NFIB: variants seen among roughly 807,000 people sequenced by gnomAD.
NFIB encodes nuclear factor 1 B-type.
NFIB carries 11 observed loss-of-function variants against 61.5 expected under a neutral mutation model. The observed-to-expected ratio is 0.18, with a 90% CI of 0.11 to 0.30. NFIB has a LOEUF of 0.30. NFIB is among the 10% of genes least tolerant of loss of function. The pLI is 1.00. For missense variants in NFIB, 471 were observed against 608.9 expected (o/e 0.77, Z 2.38); for synonymous variants, 260 against 216.5 (o/e 1.20, Z -1.76).
chr9:14,398,730 C>T (rs2061713126), exon 1 of NFIB: 1 of 770,754 alleles, frequency 1.3e-6, no homozygotes, highest in Admixed American at 2.9e-5. Context: ...CCTTAGCAAA[C>T]GCAGCTTCAT....
upstream of NFIB, among the ~76,000 whole-genome samples, chr9:14,401,473 T>C (rs1454530381): frequency 4.6e-5 from 7 of 152,190 alleles, no homozygotes; most frequent in Admixed American, 4.6e-4. Flanking sequence ...ACAAGAAACC[T>C]AGGGCAGCGT....
At chr9:14,389,531 C>T (rs573967693) in intron 1 of NFIB, among the ~76,000 whole-genome samples, 26 of 152,188 alleles carry the variant, frequency 1.7e-4, no homozygotes, top group Middle Eastern at 3.4e-3. Flanking sequence ...GCATCTAAAA[C>T]GAAGCAGAAA....
At chr9:14,466,784 G>A in the NFIB span, among the ~76,000 whole-genome samples, 1 of 152,194 alleles carries the variant, frequency 6.6e-6, no homozygotes, top group Non-Finnish European at 1.5e-5. Flanking sequence ...TTATGGTGGG[G>A]GAGCTGGGGC....
At chr9:14,472,198 A>G in the NFIB span, among the ~76,000 whole-genome samples, 1 of 152,216 alleles carries the variant, frequency 6.6e-6, no homozygotes, top group Non-Finnish European at 1.5e-5. Flanking sequence ...CTTTCTGATG[A>G]TATGGTCATT....
intron 10 of NFIB, among the ~76,000 whole-genome samples, chr9:14,095,510 A>G (rs970547916): frequency 6.6e-6 from 1 of 152,026 alleles, no homozygotes; most frequent in Non-Finnish European, 1.5e-5. Context: ...TTTCAATGCT[A>G]TTGTTAAAAG....
intron 1 of NFIB, among the ~76,000 whole-genome samples, chr9:14,349,776 A>G (rs970634017): frequency 5.3e-5 from 8 of 152,196 alleles, no homozygotes; most frequent in Non-Finnish European, 7.3e-5. Flanking sequence ...AGAATTTATT[A>G]GTGACAATTT....
chr9:14,254,899 A>G (rs1354352799), intron 2 of NFIB, among the ~76,000 whole-genome samples: 2 of 152,196 alleles, frequency 1.3e-5, no homozygotes, highest in East Asian at 3.8e-4. Context: ...TGAACTTCAG[A>G]CAAGTACCTT....
intron 10 of NFIB, among the ~76,000 whole-genome samples, chr9:14,089,018 C>T (rs1309761374): frequency 6.6e-6 from 1 of 152,064 alleles, no homozygotes; most frequent in Non-Finnish European, 1.5e-5. Flanking sequence ...GAATACCCAT[C>T]GTGAGGAAAA....
chr9:14,262,801 G>T (rs1381856515), intron 2 of NFIB, among the ~76,000 whole-genome samples: 1 of 152,052 alleles, frequency 6.6e-6, no homozygotes, highest in East Asian at 1.9e-4. Context: ...TTTGTTTTTT[G>T]TTGTTGTTCC....
the NFIB span, among the ~76,000 whole-genome samples, chr9:14,527,276 T>C: frequency 6.6e-6 from 1 of 152,190 alleles, no homozygotes; most frequent in African/African-American, 2.4e-5. Context: ...TAAAATTTTC[T>C]TTTTACTCAG....
intron 6 of NFIB, among the ~76,000 whole-genome samples, chr9:14,142,756 TA>T (rs1302348171): frequency 6.6e-6 from 1 of 152,196 alleles, no homozygotes; most frequent in African/African-American, 2.4e-5. Context: ...TTCTATTCAT[TA>T]ATCATTAAAA....
chr9:14,289,219 A>G (rs2058930273), intron 2 of NFIB, among the ~76,000 whole-genome samples: 1 of 53,216 alleles, frequency 1.9e-5, no homozygotes, highest in Non-Finnish European at 5.1e-5. Flanking sequence ...AATTTGGTAT[A>G]CCAAATACAC....
intron 6 of NFIB, among the ~76,000 whole-genome samples, chr9:14,143,202 A>C (rs2041942355): frequency 6.6e-6 from 1 of 152,104 alleles, no homozygotes; most frequent in Non-Finnish European, 1.5e-5. Flanking sequence ...TTACATAAGG[A>C]CATAATTAAT....
Position 14,216,449 on chromosome 9 carries a change from G to A in NFIB, c.563-36669C>T, listed in dbSNP as rs543895601. 1.5e-4 allele frequency among the ~76,000 whole-genome samples: 22 copies of A among 151,346 alleles called. No individual in the cohort carries two copies. The South Asian group carries it at 4.6e-3, about 32-fold the overall frequency. ...GCAGGAGGCAAGTGGGCTCTGCCAA[G>A]GTGCATCTGTATCCACAGGTAAGAA... is the stretch of plus-strand genomic sequence containing the variant. On this transcript the variant is annotated intron_variant, in intron 2 of 10. Transcript: ENST00000380953.
At chr9:14,267,958 C>A (rs187465454) in intron 2 of NFIB, among the ~76,000 whole-genome samples, 1 of 152,124 alleles carries the variant, frequency 6.6e-6, no homozygotes, top group Non-Finnish European at 1.5e-5. Flanking sequence ...CATGGTGAAA[C>A]CCCATCTCTA....
At chr9:14,478,317 G>T in the NFIB span, among the ~76,000 whole-genome samples, 1 of 152,156 alleles carries the variant, frequency 6.6e-6, no homozygotes, top group East Asian at 1.9e-4. Flanking sequence ...TTTTGCCTCA[G>T]ATGCTGCTAG....
intron 2 of NFIB, among the ~76,000 whole-genome samples, chr9:14,300,019 C>T (rs555180841): frequency 1.3e-5 from 2 of 152,154 alleles, no homozygotes; most frequent in Non-Finnish European, 2.9e-5. Context: ...CAAGCTAATC[C>T]CACAGACTCA....
At chr9:14,154,802 G>A (rs1314492277) in intron 4 of NFIB, among the ~76,000 whole-genome samples, 1 of 152,156 alleles carries the variant, frequency 6.6e-6, no homozygotes, top group African/African-American at 2.4e-5. Flanking sequence ...GCTATTTGAG[G>A]AACTACGGTT....
chr9:14,248,086 C>T (rs767706873), intron 2 of NFIB, among the ~76,000 whole-genome samples: 4 of 151,928 alleles, frequency 2.6e-5, no homozygotes, highest in African/African-American at 7.3e-5. Flanking sequence ...GCATGCACCA[C>T]CATGCCCAGC....
Sources: allele counts gnomAD v4.1 joint callset (sites outside exome capture counted in the v4.1 genomes callset), GRCh38; gene constraint gnomAD v4.1.1; transcripts MANE v1.5; gene names NCBI Gene and HGNC (gene_info 2026-07-23, HGNC 2026-07-21).